CCDC13: variants seen among roughly 807,000 people sequenced by gnomAD.
CCDC13 encodes the protein coiled-coil domain-containing protein 13.
CCDC13 carries 70 observed loss-of-function variants against 87.3 expected under a neutral mutation model. The ratio of observed to expected loss-of-function variants is 0.80; its 90% CI spans 0.66 to 0.98. The LOEUF (loss-of-function observed/expected upper bound fraction) is 0.98, where lower values mean the gene tolerates loss of function less well. Among genes scored for constraint, CCDC13 ranks in the 50% least tolerant of loss-of-function variants. The pLI, the probability that CCDC13 is intolerant of heterozygous loss-of-function variation, is 0.00. For synonymous variants in CCDC13, 317 were observed against 360.3 expected (o/e 0.88, Z 1.36); for missense variants, 842 against 892.0 (o/e 0.94, Z 0.71).
At chr3:42,723,051 C>T (rs1451774180) in intron 13 of CCDC13, among the ~76,000 whole-genome samples, 1 of 152,130 alleles carries the variant, frequency 6.6e-6, no homozygotes, top group African/African-American at 2.4e-5. Flanking sequence ...CCCATCTCGG[C>T]CTCCCAAAGT....
chr3:42,705,307 C>T (rs959504475), downstream of CCDC13, among the ~76,000 whole-genome samples: 1 of 152,134 alleles, frequency 6.6e-6, no homozygotes, highest in Non-Finnish European at 1.5e-5. Flanking sequence ...CACTGGAGGT[C>T]ACCCTGCCCT....
intron 4 of CCDC13, among the ~76,000 whole-genome samples, chr3:42,752,294 T>G: frequency 6.6e-6 from 1 of 152,186 alleles, no homozygotes; most frequent in Non-Finnish European, 1.5e-5. Flanking sequence ...ACACTTATAA[T>G]CTGTCTCCTG....
At chr3:42,709,913 C>T (rs1022126948) in intron 14 of CCDC13, 115 bp from the exon 15 acceptor site, 33 of 790,350 alleles carry the variant, frequency 4.2e-5, no homozygotes, top group Middle Eastern at 6.7e-4. Context: ...AACGCTACAC[C>T]GCCTTCGGGG....
In CCDC13 at chr3:42,751,931, CA is replaced by C. The variant is rs1468244920; in HGVS notation, c.603+4del. On this transcript the variant is annotated splice_donor_region_variant and intron_variant, in intron 5 of 15. Coordinates refer to ENST00000310232, the MANE Select transcript of CCDC13 (RefSeq NM_144719.4). ...AGACTTCCCAGCACAGAAGAGAATT[CA>C]TACCAATGCTCTGTCTCCCATCTGG... The C allele has an allele frequency of 1.9e-6, 3 of 1,610,960 alleles. No homozygotes were observed. The highest frequency in any genetic ancestry group is 2.5e-6 in the Non-Finnish European group (3 of 1,179,030).
chr3:42,713,258 G>A lies in CCDC13; in HGVS notation c.1777C>T (p.His593Tyr), dbSNP rs1575268531. 2 of 1,614,180 alleles carry A rather than the reference G, an allele frequency of 1.2e-6. No homozygotes were observed. Among genetic ancestry groups the A allele is most frequent in the Non-Finnish European group, 1.7e-6 (2 of 1,180,030 alleles). ...TGTTGCTCCAGCACCACGGTGCGGTGTCGCTCCTCCTGCAGCTTCCTCTCT... is the reference window on the plus strand; with the variant it reads ...TGTTGCTCCAGCACCACGGTGCGGTATCGCTCCTCCTGCAGCTTCCTCTCT... Reference protein sequence around the residue: ...ESERKLQEERHRTVVLEQHLE... With the variant: ...ESERKLQEERYRTVVLEQHLE... Residue 593 changes from histidine to tyrosine, a missense_variant, in exon 14 of 16, where the codon CAC becomes TAC. Transcript: ENST00000310232.
intron 1 of CCDC13, among the ~76,000 whole-genome samples, chr3:42,767,931 G>A (rs1010814702): frequency 1.3e-5 from 2 of 150,524 alleles, no homozygotes; most frequent in Admixed American, 1.3e-4. Context: ...CTGAGATCGT[G>A]ACATTGCACT....
intron 13 of CCDC13, among the ~76,000 whole-genome samples, chr3:42,727,991 C>A (rs1233801926): frequency 6.6e-6 from 1 of 151,940 alleles, no homozygotes; most frequent in Non-Finnish European, 1.5e-5. Context: ...ACAGAAATTC[C>A]CAGATTAAAT....
intron 1 of CCDC13, among the ~76,000 whole-genome samples, chr3:42,772,876 G>C (rs1480825114): frequency 6.6e-6 from 1 of 152,226 alleles, no homozygotes; most frequent in Non-Finnish European, 1.5e-5. Context: ...GCGGACCTGA[G>C]TTCGAGTTCT....
chr3:42,732,849 GA>G, intron 12 of CCDC13, 37 bp downstream of exon 12: 1 of 1,524,486 alleles, frequency 6.6e-7, no homozygotes. Flanking sequence ...TCAAGAATGG[GA>G]AAAAACTGTG....
intron 5 of CCDC13, chr3:42,750,093 TG>T: frequency 2.8e-6 from 1 of 363,268 alleles, no homozygotes; most frequent in Non-Finnish European, 5.5e-6. Flanking sequence ...AGGCTCCCTG[TG>T]GCCACAGAAT....
intron 13 of CCDC13, among the ~76,000 whole-genome samples, chr3:42,728,993 A>G (rs538649044): frequency 2.1e-4 from 32 of 152,318 alleles, no homozygotes; most frequent in African/African-American, 7.5e-4. Context: ...CAGAAGCCAC[A>G]TGAAGGAGAA....
intron 4 of CCDC13, among the ~76,000 whole-genome samples, 170 bp from the exon 5 acceptor site, chr3:42,752,195 G>C (rs1316069155): frequency 2.0e-5 from 3 of 152,188 alleles, no homozygotes; most frequent in African/African-American, 7.2e-5. Flanking sequence ...CTGGAATGGA[G>C]AGGGTTTAAT....
chr3:42,756,354 A>G lies in CCDC13; in HGVS notation c.370+712T>C, dbSNP rs895911923. 2.0e-5 allele frequency among the ~76,000 whole-genome samples: 3 copies of G among 152,192 alleles called. No individual in the cohort carries two copies. The South Asian group carries it at 6.2e-4, about 32-fold the overall frequency. ...CAGAGCCAATGTCCAGCTCACAACC[A>G]TGATCAAAGGTCATTCCCAGACCTG... On this transcript the variant is annotated intron_variant, in intron 3 of 15. Transcript: ENST00000310232.
intron 1 of CCDC13, among the ~76,000 whole-genome samples, chr3:42,765,662 G>C (rs1223355534): frequency 1.3e-5 from 2 of 152,330 alleles, no homozygotes; most frequent in East Asian, 3.9e-4. Flanking sequence ...AGGCTGTCTG[G>C]GGAGAGAGAA....
At chr3:42,772,054 C>G (rs1700129185) in intron 1 of CCDC13, among the ~76,000 whole-genome samples, 1 of 151,592 alleles carries the variant, frequency 6.6e-6, no homozygotes, top group Non-Finnish European at 1.5e-5. Context: ...GGTGGATCAC[C>G]TGAGGTCAGG....
chr3:42,731,793 A>T (rs945812437), intron 12 of CCDC13, among the ~76,000 whole-genome samples: 1 of 152,156 alleles, frequency 6.6e-6, no homozygotes, highest in South Asian at 2.1e-4. Context: ...CTGCCCTGTG[A>T]ATTCCTGTCC....
chr3:42,746,370 G>C (rs1440600750), intron 6 of CCDC13: 3 of 254,856 alleles, frequency 1.2e-5, no homozygotes, highest in Non-Finnish European at 2.3e-5. Flanking sequence ...CTGTCACCTA[G>C]TGCTGAGCTA....
chr3:42,756,648 C>T (rs1699709857), intron 3 of CCDC13, among the ~76,000 whole-genome samples: 1 of 151,520 alleles, frequency 6.6e-6, no homozygotes, highest in African/African-American at 2.4e-5. Flanking sequence ...TGGGGGTGAT[C>T]ATAGCTCACT....
intron 3 of CCDC13, among the ~76,000 whole-genome samples, chr3:42,754,178 A>G (rs1575325911): frequency 6.6e-6 from 1 of 152,322 alleles, no homozygotes; most frequent in East Asian, 1.9e-4. Flanking sequence ...AAGAAGGGTG[A>G]CAACTGGTGG....
Sources: allele counts gnomAD v4.1 joint callset (sites outside exome capture counted in the v4.1 genomes callset), GRCh38; gene constraint gnomAD v4.1.1; transcripts MANE v1.5; gene names NCBI Gene and HGNC (gene_info 2026-07-23, HGNC 2026-07-21).